The following EPHA4 variants were observed in gnomAD, a reference collection of about 807,000 sequenced individuals.
EPHA4 encodes the protein ephrin type-A receptor 4.
A neutral mutation model predicts 108.3 loss-of-function variants in EPHA4; 19 were observed. The observed-to-expected ratio is 0.18, with a 90% CI of 0.12 to 0.26. EPHA4 has a LOEUF of 0.26. EPHA4 is among the 10% of genes least tolerant of loss of function. EPHA4 has a pLI of 1.00. For missense variants in EPHA4, 917 were observed against 1,254.0 expected (o/e 0.73, Z 4.06); for synonymous variants, 449 against 455.5 (o/e 0.99, Z 0.18).
chr2:221,502,580 T>C (rs1262897858), intron 3 of EPHA4: 2 of 471,202 alleles, frequency 4.2e-6, no homozygotes, highest in Admixed American at 4.7e-5. Flanking sequence ...TCTCTGGAGA[T>C]AGGGCCATCA....
chr2:221,516,477 C>T (rs1448725340), intron 3 of EPHA4, among the ~76,000 whole-genome samples: 1 of 151,846 alleles, frequency 6.6e-6, no homozygotes, highest in Non-Finnish European at 1.5e-5. Flanking sequence ...GCCTCTGCCT[C>T]CCAAGTAGCT....
chr2:221,504,491 G>C (rs1692573968), intron 3 of EPHA4, among the ~76,000 whole-genome samples: 1 of 151,788 alleles, frequency 6.6e-6, no homozygotes. Context: ...GTACGTGACA[G>C]TATAATGCCC....
chr2:221,455,053 T>C (rs1690901718), intron 8 of EPHA4, among the ~76,000 whole-genome samples: 1 of 152,226 alleles, frequency 6.6e-6, no homozygotes, highest in African/African-American at 2.4e-5. Flanking sequence ...CTGTGTGCTG[T>C]ATTATCTATT....
At chr2:221,472,410 T>C (rs559105143) in intron 5 of EPHA4, among the ~76,000 whole-genome samples, 1 of 151,932 alleles carries the variant, frequency 6.6e-6, no homozygotes, top group African/African-American at 2.4e-5. Context: ...AGCTACCCCC[T>C]TTTCAGTGTT....
At chr2:221,437,404 A>G (rs1690274220) in intron 11 of EPHA4, 2 of 292,348 alleles carry the variant, frequency 6.8e-6, no homozygotes, top group Non-Finnish European at 1.3e-5. Flanking sequence ...TGAATGGATA[A>G]TTGCTCTCTC....
chr2:221,570,423 C>T (rs895579480), intron 1 of EPHA4, among the ~76,000 whole-genome samples: 4 of 152,066 alleles, frequency 2.6e-5, no homozygotes, highest in Admixed American at 2.6e-4. Context: ...GTGAAGTGGC[C>T]AGGAGAACGC....
chr2:221,505,091 G>A (rs1044631516), intron 3 of EPHA4, among the ~76,000 whole-genome samples: 20 of 152,152 alleles, frequency 1.3e-4, no homozygotes, highest in African/African-American at 4.6e-4. Flanking sequence ...AGGTCCCTCA[G>A]AGCTACACTG....
chr2:221,492,605 C>T (rs571179832), intron 4 of EPHA4, among the ~76,000 whole-genome samples: 103 of 152,160 alleles, frequency 6.8e-4, no homozygotes, highest in African/African-American at 2.3e-3. Flanking sequence ...AAAGGCAATC[C>T]GAAAGGAAGA....
intron 6 of EPHA4, 42 bp downstream of exon 6, chr2:221,457,824 G>A (rs1373817912): frequency 5.0e-6 from 8 of 1,593,160 alleles, no homozygotes; most frequent in Non-Finnish European, 6.9e-6. Context: ...AAGGAAGGAA[G>A]GAAGGAAGAA....
chr2:221,456,442 A>C (rs1008621758), intron 7 of EPHA4, among the ~76,000 whole-genome samples, 171 bp downstream of exon 7: 4 of 152,224 alleles, frequency 2.6e-5, no homozygotes. Context: ...AAATCACATG[A>C]AGTTTTCTAA....
At chr2:221,429,017 C>G (rs915068199) in intron 15 of EPHA4, among the ~76,000 whole-genome samples, 2 of 152,244 alleles carry the variant, frequency 1.3e-5, no homozygotes, top group South Asian at 2.1e-4. Context: ...TTAAATATTA[C>G]GGGAGAAAAT....
Position 221,426,451 on chromosome 2 carries a change from G to T in EPHA4, c.2846+13C>A, listed in dbSNP as rs141451537. ...TAGATTTACCCTTTCGTGTTACATC[G>T]TTGAGTACTTACTCCTGGTTCACGT... On this transcript the variant is annotated intron_variant, in intron 16 of 17. Transcript: ENST00000281821. 1 of 1,588,468 alleles carries T rather than the reference G, an allele frequency of 6.3e-7. No homozygotes were observed. Among genetic ancestry groups the T allele is most frequent in the Non-Finnish European group, 8.5e-7 (1 of 1,171,814 alleles).
intron 7 of EPHA4, 106 bp downstream of exon 7, chr2:221,456,507 G>T: frequency 2.4e-6 from 3 of 1,236,026 alleles, no homozygotes; most frequent in Non-Finnish European, 3.3e-6. Flanking sequence ...CAAAATGTCT[G>T]CTGAACCAAA....
At chr2:221,491,193 T>C (rs1000592387) in intron 4 of EPHA4, among the ~76,000 whole-genome samples, 8 of 152,248 alleles carry the variant, frequency 5.3e-5, no homozygotes, top group Admixed American at 5.2e-4. Context: ...GACTTGTTTA[T>C]GGCTGAAGTG....
chr2:221,556,178 T>A (rs1241628599), intron 3 of EPHA4, among the ~76,000 whole-genome samples: 1 of 152,246 alleles, frequency 6.6e-6, no homozygotes, highest in Non-Finnish European at 1.5e-5. Flanking sequence ...TTTAAATTAT[T>A]TTTAATTCAT....
At chr2:221,513,446 T>A (rs1236505992) in intron 3 of EPHA4, among the ~76,000 whole-genome samples, 1 of 152,226 alleles carries the variant, frequency 6.6e-6, no homozygotes, top group Non-Finnish European at 1.5e-5. Context: ...GGAATCATGA[T>A]TTATGCAGCT....
rs529040487 is a variant in EPHA4, at chr2:221,443,235, CTTAG to C, written c.1889-225_1889-222del. ...TTAATGCAAAAAACCTACACAAAAT[CTTAG>C]TTAGTAAGAAACAGAGTAAATCTTT... is the stretch of plus-strand genomic sequence containing the variant. On this transcript the variant is annotated intron_variant, in intron 10 of 17. Coordinates refer to ENST00000281821, the MANE Select transcript of EPHA4 (RefSeq NM_004438.5). Among the ~76,000 whole-genome samples the C allele has an allele frequency of 3.0e-3, 447 of 151,372 alleles. 1 individual carries two copies. Among genetic ancestry groups the C allele is most frequent in the Middle Eastern group, 6.9e-3 (2 of 290 alleles).
chr2:221,565,430 A>G (rs553654064), intron 2 of EPHA4, among the ~76,000 whole-genome samples: 2 of 152,370 alleles, frequency 1.3e-5, no homozygotes, highest in East Asian at 3.8e-4. Flanking sequence ...ATGCATTGAT[A>G]CAGATCTGTT....
rs1472304269 is a variant in EPHA4 at position 221,507,700 on chromosome 2, TGAGATAAAGACA to T, written c.824-6540_824-6529del. 2.0e-5 allele frequency among the ~76,000 whole-genome samples: 3 copies of T among 152,200 alleles called. No homozygotes were observed. The East Asian group carries it at 5.8e-4, about 29-fold the overall frequency. On this transcript the variant is annotated intron_variant, in intron 3 of 17. Transcript: ENST00000281821. ...AAGGGTTTACTCTCAATCCCAAGAC[TGAGATAAAGACA>T]GAGACAACAGAAAGTGTTCAAGAGC...
Sources: allele counts gnomAD v4.1 joint callset (sites outside exome capture counted in the v4.1 genomes callset), GRCh38; gene constraint gnomAD v4.1.1; transcripts MANE v1.5; gene names NCBI Gene and HGNC (gene_info 2026-07-23, HGNC 2026-07-21).